The following PCDHGA10 variants were observed in gnomAD, a reference collection of about 807,000 sequenced individuals.
PCDHGA10 encodes protocadherin gamma subfamily A, 10.
In PCDHGA10, 42 loss-of-function variants were observed where a neutral mutation model predicts 59.5. That is an observed-to-expected ratio of 0.71 (90% CI 0.55 to 0.91). The LOEUF is 0.91. Among genes scored for constraint, PCDHGA10 ranks in the 40% least tolerant of loss-of-function variants. The pLI, the probability that PCDHGA10 is intolerant of heterozygous loss-of-function variation, is 0.00. For synonymous variants in PCDHGA10, 511 were observed against 517.2 expected (o/e 0.99, Z 0.16); for missense variants, 1,111 against 1,198.2 (o/e 0.93, Z 1.07).
At chr5:141,451,334 C>G (rs916812246) in intron 1 of PCDHGA10, among the ~76,000 whole-genome samples, 4 of 152,192 alleles carry the variant, frequency 2.6e-5, no homozygotes, top group Non-Finnish European at 4.4e-5. Context: ...AGGCTATTGT[C>G]TTATCTGAAG....
intron 1 of PCDHGA10, chr5:141,427,842 C>A: frequency 6.5e-7 from 1 of 1,549,268 alleles, no homozygotes. Flanking sequence ...TGCCTTCGAC[C>A]ACGAGCAGCT....
intron 1 of PCDHGA10, among the ~76,000 whole-genome samples, chr5:141,450,223 G>A (rs1458841129): frequency 2.0e-5 from 3 of 151,818 alleles, no homozygotes; most frequent in Non-Finnish European, 4.4e-5. Context: ...TCACTATGTT[G>A]GCCAGGCTAG....
chr5:141,419,831 G>A, intron 1 of PCDHGA10: 5 of 1,614,048 alleles, frequency 3.1e-6, no homozygotes, highest in Non-Finnish European at 4.2e-6. Context: ...TTCAGCCACT[G>A]CCACGCTGCA....
intron 1 of PCDHGA10, chr5:141,418,737 C>G (rs768683069): frequency 6.2e-7 from 1 of 1,613,842 alleles, no homozygotes; most frequent in African/African-American, 1.3e-5. Context: ...CACGTGTTCT[C>G]TCTGGATTAC....
chr5:141,473,151 T>C (rs2099315238), intron 1 of PCDHGA10, among the ~76,000 whole-genome samples: 1 of 152,242 alleles, frequency 6.6e-6, no homozygotes. Context: ...TTCAGATCAC[T>C]AGGGCTAGGA....
rs2099687792 is a variant in PCDHGA10, at chr5:141,489,485, G to GT, written c.2437-5321dup. Reference sequence around the variant, plus strand: ...TATTTTTCCCTGAGCTTGATGAGTGGTGCCCTGGCAGTGAATCAAAAGATT... The same window carrying GT: ...TATTTTTCCCTGAGCTTGATGAGTGGTTGCCCTGGCAGTGAATCAAAAGATT... On this transcript the variant is annotated intron_variant, in intron 1 of 3. Coordinates refer to ENST00000398610, the MANE Select transcript of PCDHGA10 (RefSeq NM_018913.3). This position sits in a 1 kb window ranked among gnomAD's most constrained non-coding sequence, Gnocchi z 4.5. The GT allele has an allele frequency of 6.2e-7, 1 of 1,614,088 alleles. No individual in the cohort carries two copies. The highest frequency in any genetic ancestry group is 2.2e-5 in the East Asian group (1 of 44,868).
chr5:141,428,423 G>C (rs939814279), intron 1 of PCDHGA10: 1 of 440,550 alleles, frequency 2.3e-6, no homozygotes, highest in Non-Finnish European at 4.3e-6. Flanking sequence ...CCTGGTCTCT[G>C]TTCTAAGACT....
rs180741728 is a variant in PCDHGA10 at position 141,505,088 on chromosome 5, G to A, written c.2496-305G>A. Among the ~76,000 whole-genome samples the A allele has an allele frequency of 3.7e-3, 563 of 152,300 alleles. 5 individuals carry two copies. Among genetic ancestry groups the A allele is most frequent in the Admixed American group, 0.011 (163 of 15,294 alleles). On this transcript the variant is annotated intron_variant, in intron 2 of 3. Coordinates refer to ENST00000398610, the MANE Select transcript of PCDHGA10 (RefSeq NM_018913.3). ...GAGGCAGGAGAATCGCTTGAACCCA[G>A]GAGGTGGATGTTGCAATGAGCCAAG...
In PCDHGA10 at chr5:141,477,813, A is replaced by T; in HGVS notation, c.2437-16994A>T. ...ACTGATCGCAATGACAATGCCCCCC[A>T]GGTCCTATATCCTCGGCCAGGTGGG... On this transcript the variant is annotated intron_variant, in intron 1 of 3. Coordinates refer to ENST00000398610, the MANE Select transcript of PCDHGA10 (RefSeq NM_018913.3). The surrounding 1 kb of genome is among the most constrained non-coding windows in gnomAD (Gnocchi z 4.9). The T allele has an allele frequency of 6.2e-7, 1 of 1,614,122 alleles. No homozygotes were observed. The highest frequency in any genetic ancestry group is 1.1e-5 in the South Asian group (1 of 91,084).
chr5:141,477,393 G>C lies in PCDHGA10; in HGVS notation c.2437-17414G>C. ...GAGACTGTGCCAGAATACAACCTCA[G>C]CATCACCGCCCGAGACGCCGGAACC... On this transcript the variant is annotated intron_variant, in intron 1 of 3. Coordinates refer to ENST00000398610, the MANE Select transcript of PCDHGA10 (RefSeq NM_018913.3). The surrounding 1 kb of genome is among the most constrained non-coding windows in gnomAD (Gnocchi z 4.9). The C allele has an allele frequency of 6.2e-7, 1 of 1,614,098 alleles. No individual in the cohort carries two copies. The highest frequency in any genetic ancestry group is 8.5e-7 in the Non-Finnish European group (1 of 1,180,028).
chr5:141,427,982 G>T, intron 1 of PCDHGA10: 1 of 1,596,752 alleles, frequency 6.3e-7, no homozygotes, highest in African/African-American at 1.3e-5. Flanking sequence ...CCGCGCTGGG[G>T]CCCGATGGCT....
Position 141,489,317 on chromosome 5 carries a change from G to T in PCDHGA10, c.2437-5490G>T. ...ATGTTGTCCTTGTGCTGCTGGGGCT[G>T]GGTGTCTGGGCAGCTTCGTTACTCA... is the stretch of plus-strand genomic sequence containing the variant. On this transcript the variant is annotated intron_variant, in intron 1 of 3. Coordinates refer to ENST00000398610, the MANE Select transcript of PCDHGA10 (RefSeq NM_018913.3). The surrounding 1 kb of genome is among the most constrained non-coding windows in gnomAD (Gnocchi z 4.5). 6.3e-7 allele frequency: 1 copy of T among 1,598,654 alleles called. No homozygotes were observed. The highest frequency in any genetic ancestry group is 8.5e-7 in the Non-Finnish European group (1 of 1,171,456).
intron 2 of PCDHGA10, among the ~76,000 whole-genome samples, chr5:141,501,301 ACAC>A (rs1380901086): frequency 6.6e-6 from 1 of 150,882 alleles, no homozygotes; most frequent in African/African-American, 2.4e-5. Context: ...ACACACACAC[ACAC>A]ACACACACAC....
Position 141,490,975 on chromosome 5 carries a change from C to T in PCDHGA10, c.2437-3832C>T. 1 of 1,614,056 alleles carries T rather than the reference C, an allele frequency of 6.2e-7. No individual in the cohort carries two copies. Among genetic ancestry groups the T allele is most frequent in the African/African-American group, 1.3e-5 (1 of 75,070 alleles). ...CTGGGAACACTCAGCCCCCCAGCGT[C>T]TCCCTCGCTCTGCTCCTCCTGGCTC... On this transcript the variant is annotated intron_variant, in intron 1 of 3. Coordinates refer to ENST00000398610, the MANE Select transcript of PCDHGA10 (RefSeq NM_018913.3). This position sits in a 1 kb window ranked among gnomAD's most constrained non-coding sequence, Gnocchi z 5.4.
At position 141,431,365 on chromosome 5, in the gene PCDHGA10, C is replaced by T. The variant is rs2097365932; in HGVS notation, c.2436+15754C>T. ...TGGTGCTGAAACGCGCCCTGGACCG[C>T]GAAGAAAAGGCTGCTCACCACCTGG... On this transcript the variant is annotated intron_variant, in intron 1 of 3. Coordinates refer to ENST00000398610, the MANE Select transcript of PCDHGA10 (RefSeq NM_018913.3). The surrounding 1 kb of genome is among the most constrained non-coding windows in gnomAD (Gnocchi z 4.8). 6 of 1,613,980 alleles carry T rather than the reference C, an allele frequency of 3.7e-6. No homozygotes were observed. Among genetic ancestry groups the T allele is most frequent in the Non-Finnish European group, 5.1e-6 (6 of 1,180,028 alleles).
rs539878473 is a variant in PCDHGA10 at position 141,501,595 on chromosome 5, C to T, written c.2496-3798C>T. Reference sequence around the variant, plus strand: ...GCTGGCTTTCAGGTTGCAACTCTACCAGTTCCAGCTGTGTGACTCTGGTAT... The same window carrying T: ...GCTGGCTTTCAGGTTGCAACTCTACTAGTTCCAGCTGTGTGACTCTGGTAT... On this transcript the variant is annotated intron_variant, in intron 2 of 3. Coordinates refer to ENST00000398610, the MANE Select transcript of PCDHGA10 (RefSeq NM_018913.3). Among the ~76,000 whole-genome samples the T allele has an allele frequency of 9.9e-5, 15 of 152,164 alleles. No homozygotes were observed. In the East Asian group the frequency reaches 2.9e-3, roughly 30 times the overall value.
intron 1 of PCDHGA10, chr5:141,419,357 AC>A (rs1185938270): frequency 3.7e-6 from 6 of 1,613,814 alleles, no homozygotes; most frequent in Non-Finnish European, 4.2e-6. Context: ...GGAGTCACGA[AC>A]GCTGTCGTCC....
At chr5:141,474,323 C>T (rs1176074252) in intron 1 of PCDHGA10, among the ~76,000 whole-genome samples, 2 of 152,186 alleles carry the variant, frequency 1.3e-5, no homozygotes, top group Non-Finnish European at 2.9e-5. Context: ...GTTTTCAAAT[C>T]ACCCTGATGT....
At chr5:141,422,002 G>A (rs754599902) in intron 1 of PCDHGA10, 41 of 1,609,306 alleles carry the variant, frequency 2.5e-5, no homozygotes, top group Non-Finnish European at 3.1e-5. Flanking sequence ...CATCAGCTCC[G>A]GAACTCGGGT....
Sources: allele counts gnomAD v4.1 joint callset (sites outside exome capture counted in the v4.1 genomes callset), GRCh38; gene constraint gnomAD v4.1.1; non-coding constraint Gnocchi (gnomAD v3.1); transcripts MANE v1.5; gene names NCBI Gene and HGNC (gene_info 2026-07-23, HGNC 2026-07-21).